The following PSMD11 variants were observed in gnomAD, a reference collection of about 807,000 sequenced individuals.
PSMD11 encodes proteasome 26S subunit, non-ATPase 11, also known as 26S proteasome non-ATPase regulatory subunit 11.
A neutral mutation model predicts 62.3 loss-of-function variants in PSMD11; 5 were observed. The observed-to-expected ratio is 0.08, with a 90% CI of 0.04 to 0.17. The LOEUF is 0.17. Ranked by LOEUF, PSMD11 falls within the 10% of genes least tolerant of loss-of-function variation. The pLI is 1.00. For synonymous variants in PSMD11, 191 were observed against 191.8 expected (o/e 1.00, Z 0.03); for missense variants, 310 against 512.9 (o/e 0.60, Z 3.82).
chr17:32,451,120 CAAA>C (rs68054446), intron 2 of PSMD11, among the ~76,000 whole-genome samples: 1 of 106,370 alleles, frequency 9.4e-6, no homozygotes, highest in Admixed American at 1.0e-4. Context: ...GGCTCTTTCT[CAAA>C]AAAAAAAAAA....
chr17:32,464,223 T>C, intron 4 of PSMD11, 103 bp downstream of exon 4: 2 of 1,082,502 alleles, frequency 1.8e-6, no homozygotes, highest in East Asian at 4.7e-5. Flanking sequence ...AACTTTGTAA[T>C]TACCTAGATA....
rs1253716362 is a variant in PSMD11 at position 32,480,853 on chromosome 17, C to T, written c.*101C>T. The T allele has an allele frequency of 1.6e-5, 8 of 485,704 alleles. No homozygotes were observed. Among genetic ancestry groups the T allele is most frequent in the East Asian group, 3.3e-5 (1 of 30,312 alleles). The allele number at this position is 485,704 out of a possible 1,614,324, so 30.1% of individuals were successfully genotyped here. ...TCTTTTTTCTTTTTGTTCTACTTTTCGCTCGGAAAGTTTTTAAATCCTCAT... is the reference window on the plus strand; with the variant it reads ...TCTTTTTTCTTTTTGTTCTACTTTTTGCTCGGAAAGTTTTTAAATCCTCAT... On this transcript the variant is annotated 3_prime_UTR_variant, in exon 14 of 14. Transcript: ENST00000261712.
At position 32,474,794 on chromosome 17, in the gene PSMD11, G is replaced by A; in HGVS notation, c.819G>A (p.Gly273=). ...TPEDVQALVS[G]KLALRYAGRQ... is the part of the protein sequence containing the mutation. ...AAGATGTCCAGGCTTTGGTGAGCGG[G>A]AAGCTTGCACTTCGGTATGCAGGGA... is the stretch of plus-strand genomic sequence containing the variant. Residue 273 remains glycine (G), a synonymous_variant, in exon 8 of 14, where the codon GGG becomes GGA. Coordinates refer to ENST00000261712, the MANE Select transcript of PSMD11 (RefSeq NM_002815.4). The A allele has an allele frequency of 6.2e-7, 1 of 1,614,176 alleles. No homozygotes were observed. Among genetic ancestry groups the A allele is most frequent in the East Asian group, 2.2e-5 (1 of 44,892 alleles).
chr17:32,453,580 T>C (rs1157370682), intron 2 of PSMD11, among the ~76,000 whole-genome samples: 1 of 152,220 alleles, frequency 6.6e-6, no homozygotes, highest in Admixed American at 6.5e-5. Context: ...ATTAGCATTC[T>C]CTGGAGGGTG....
At chr17:32,459,126 ATATATATATATATG>A (rs1158577686) in intron 3 of PSMD11, among the ~76,000 whole-genome samples, 3 of 143,546 alleles carry the variant, frequency 2.1e-5, no homozygotes, top group Non-Finnish European at 4.6e-5. Context: ...ATATATATAT[ATATATATATATATG>A]TATTTTTTTT....
Position 32,480,507 on chromosome 17 carries a change from A to C in PSMD11, c.1145A>C (p.Glu382Ala). 1 of 1,613,900 alleles carries C rather than the reference A, an allele frequency of 6.2e-7. No individual in the cohort carries two copies. Among genetic ancestry groups the C allele is most frequent in the Non-Finnish European group, 8.5e-7 (1 of 1,179,916 alleles). Residue 382 changes from glutamate to alanine, a missense_variant, in exon 13 of 14, where the codon GAG becomes GCG. By Grantham distance (107) the Glu-to-Ala change is moderately radical (BLOSUM62 -1). Transcript: ENST00000261712. ...CTTGCAGGGATTTTGGACCAGGGGG[A>C]GGGTGTCCTGATTATTTTCGATGAA... ...KKFHGILDQG[E>A]GVLIIFDEPP... is the part of the protein sequence containing the mutation.
intron 5 of PSMD11, among the ~76,000 whole-genome samples, chr17:32,467,955 C>T (rs183918440): frequency 6.6e-6 from 1 of 152,284 alleles, no homozygotes; most frequent in East Asian, 1.9e-4. Context: ...TCCTTTTCCT[C>T]CTCCCACCCT....
intron 3 of PSMD11, among the ~76,000 whole-genome samples, chr17:32,455,741 A>G (rs1907629552): frequency 6.6e-6 from 1 of 152,252 alleles, no homozygotes; most frequent in South Asian, 2.1e-4. Flanking sequence ...GATAGTATAT[A>G]AAAAGTTAGA....
chr17:32,471,292 T>C (rs1395915376), intron 6 of PSMD11, among the ~76,000 whole-genome samples: 1 of 152,198 alleles, frequency 6.6e-6, no homozygotes, highest in Non-Finnish European at 1.5e-5. Context: ...GTTAAGCTCA[T>C]TGGGAGCAAC....
At chr17:32,473,523 G>T (rs577245529) in intron 6 of PSMD11, among the ~76,000 whole-genome samples, 7 of 151,328 alleles carry the variant, frequency 4.6e-5, no homozygotes, top group African/African-American at 1.7e-4. Flanking sequence ...CAGGTGATCC[G>T]CCTGCCTCAG....
At chr17:32,478,257 GA>G (rs934202978) in intron 9 of PSMD11, among the ~76,000 whole-genome samples, 1 of 152,212 alleles carries the variant, frequency 6.6e-6, no homozygotes, top group African/African-American at 2.4e-5. Flanking sequence ...GATCCAGAGA[GA>G]AAAACTTAGT....
At chr17:32,469,344 A>G in intron 6 of PSMD11, 151 bp downstream of exon 6, 2 of 772,478 alleles carry the variant, frequency 2.6e-6, no homozygotes, top group Non-Finnish European at 4.0e-6. Flanking sequence ...CTTTCTAACT[A>G]GCTGCTCCCC....
intron 8 of PSMD11, among the ~76,000 whole-genome samples, chr17:32,476,143 C>T (rs1487975249): frequency 6.6e-6 from 1 of 152,056 alleles, no homozygotes; most frequent in African/African-American, 2.4e-5. Context: ...GCATTGGTGG[C>T]TGTAATCCCA....
At chr17:32,445,459 G>A (rs1389904815) in intron 1 of PSMD11, 2 of 152,180 alleles carry the variant, frequency 1.3e-5, no homozygotes. Flanking sequence ...AATAACGATG[G>A]TCTTACACCT....
At chr17:32,457,775 C>G (rs1250917479) in intron 3 of PSMD11, among the ~76,000 whole-genome samples, 1 of 151,654 alleles carries the variant, frequency 6.6e-6, no homozygotes, top group Non-Finnish European at 1.5e-5. Context: ...GCTTCTCCAC[C>G]TCTTTTGTAT....
At chr17:32,456,477 A>G (rs1260395808) in intron 3 of PSMD11, among the ~76,000 whole-genome samples, 1 of 152,040 alleles carries the variant, frequency 6.6e-6, no homozygotes, top group Non-Finnish European at 1.5e-5. Context: ...GGTTCAAGGG[A>G]TTCTCCTGCC....
intron 8 of PSMD11, chr17:32,476,725 T>G (rs1908334075): frequency 6.6e-6 from 1 of 152,136 alleles, no homozygotes; most frequent in South Asian, 2.1e-4. Flanking sequence ...GATTATACCT[T>G]CATCACTCTG....
chr17:32,472,576 CG>C (rs1908197368), intron 6 of PSMD11, among the ~76,000 whole-genome samples: 2 of 148,578 alleles, frequency 1.3e-5, no homozygotes, highest in African/African-American at 2.5e-5. Flanking sequence ...CTCACTCTGT[CG>C]CCCAAGTTGG....
At position 32,483,082 on chromosome 17, in the gene PSMD11, A is replaced by G. The variant is rs2150842519; in HGVS notation, c.*2330A>G. 6.6e-6 allele frequency: 1 copy of G among 152,296 alleles called. No individual in the cohort carries two copies. The highest frequency in any genetic ancestry group is 1.9e-4 in the East Asian group (1 of 5,168). The allele number at this position is 152,296 out of a possible 1,614,324, so 9.4% of individuals were successfully genotyped here. On this transcript the variant is annotated 3_prime_UTR_variant, in exon 14 of 14. Transcript: ENST00000261712. ...AGTTCCCTTTGCGGGTCTTGGTCAG[A>G]TGATGCCCTCTAGACCCGTGCTGTC... is the stretch of plus-strand genomic sequence containing the variant.
Sources: gnomAD v4.1 joint callset for allele counts (sites outside exome capture counted in the v4.1 genomes callset) on GRCh38, gnomAD v4.1.1 for gene constraint, MANE v1.5 for transcripts, NCBI Gene and HGNC (gene_info 2026-07-23, HGNC 2026-07-21) for gene names.